Variants in RIMS2 observed in about 807,000 individuals in gnomAD.
RIMS2 encodes regulating synaptic membrane exocytosis protein 2.
Under a neutral mutation model 174.4 loss-of-function variants are expected in RIMS2, and 59 were observed. The observed-to-expected ratio is 0.34, with a 90% confidence interval of 0.27 to 0.42. The LOEUF (loss-of-function observed/expected upper bound fraction) is 0.42, where lower values mean the gene tolerates loss of function less well. Ranked by LOEUF, RIMS2 falls within the 10% of genes least tolerant of loss-of-function variation. The pLI is 1.00. For synonymous variants in RIMS2, 606 were observed against 572.5 expected (o/e 1.06, Z -0.84); for missense variants, 1,620 against 1,666.3 (o/e 0.97, Z 0.48).
At position 103,606,387 on chromosome 8, in the gene RIMS2, C is replaced by G. The variant is rs1335474689; in HGVS notation, c.177-90699C>G. Among the ~76,000 whole-genome samples the G allele has an allele frequency of 5.3e-5, 8 of 151,632 alleles. No individual in the cohort carries two copies. The East Asian group carries it at 1.5e-3, about 29-fold the overall frequency. ...GAGATAGTTTGTTATAATCTCTGTT[C>G]TTTTACATTTGCTGAGGAGAGCTTT... On this transcript the variant is annotated intron_variant, in intron 1 of 23. Transcript: ENST00000504942.
At chr8:103,697,327 A>T in intron 2 of RIMS2, 31 bp downstream of exon 4, 1 of 1,472,428 alleles carries the variant, frequency 6.8e-7, no homozygotes, top group Non-Finnish European at 9.5e-7. Context: ...GTTCTCTTCT[A>T]GTTAAGCTTA....
chr8:103,567,050 T>C (rs57067672), intron 1 of RIMS2, among the ~76,000 whole-genome samples: 7,327 of 152,258 alleles, frequency 0.048, 587 homozygotes, highest in African/African-American at 0.17. Context: ...GATTTGCCTG[T>C]TCTGGAGATT....
intron 17 of RIMS2, among the ~76,000 whole-genome samples, chr8:103,997,191 G>T (rs750479284): frequency 6.6e-6 from 1 of 151,770 alleles, no homozygotes; most frequent in Non-Finnish European, 1.5e-5. Context: ...AAGAAAATGA[G>T]CGAGATACAG....
chr8:103,695,463 A>G (rs941771748), intron 1 of RIMS2, among the ~76,000 whole-genome samples: 1 of 151,648 alleles, frequency 6.6e-6, no homozygotes, highest in Non-Finnish European at 1.5e-5. Flanking sequence ...TTTGAGACAC[A>G]TTTTATTTTT....
At chr8:104,012,581 G>A (rs1308542667) in intron 17 of RIMS2, among the ~76,000 whole-genome samples, 3 of 151,962 alleles carry the variant, frequency 2.0e-5, no homozygotes, top group African/African-American at 7.2e-5. Flanking sequence ...GAATTCTGGA[G>A]CCAAAGCTAG....
downstream of RIMS2, chr8:104,255,473 A>C (rs1381831475): frequency 6.6e-6 from 1 of 152,068 alleles, no homozygotes; most frequent in Non-Finnish European, 1.5e-5. Context: ...CCCTTCTTGC[A>C]ACTCCCAGCT....
At chr8:104,186,004 A>G (rs1438517616) in intron 19 of RIMS2, among the ~76,000 whole-genome samples, 1 of 151,702 alleles carries the variant, frequency 6.6e-6, no homozygotes, top group East Asian at 1.9e-4. Context: ...GGATGATTAG[A>G]TAAAATGTGA....
chr8:103,951,981 G>A (rs1018335654), intron 14 of RIMS2, among the ~76,000 whole-genome samples: 2 of 152,182 alleles, frequency 1.3e-5, no homozygotes, highest in African/African-American at 2.4e-5. Flanking sequence ...TAAACAAAGC[G>A]GCCAGGAAGT....
At chr8:104,061,394 C>T (rs1236822928) in intron 19 of RIMS2, among the ~76,000 whole-genome samples, 1 of 151,926 alleles carries the variant, frequency 6.6e-6, no homozygotes, top group Non-Finnish European at 1.5e-5. Flanking sequence ...GGATTGCAAC[C>T]CCAGATTCAT....
At chr8:103,741,996 C>T (rs1192386001) in intron 2 of RIMS2, among the ~76,000 whole-genome samples, 1 of 151,986 alleles carries the variant, frequency 6.6e-6, no homozygotes, top group African/African-American at 2.4e-5. Flanking sequence ...TACTTACTCA[C>T]CACTTGAAAA....
At chr8:103,890,243 A>G (rs945799326) in intron 4 of RIMS2, among the ~76,000 whole-genome samples, 1 of 151,976 alleles carries the variant, frequency 6.6e-6, no homozygotes, top group Non-Finnish European at 1.5e-5. Context: ...CCTAAACTGA[A>G]TGAAGCTTGT....
chr8:103,881,712 A>G (rs1319111420), intron 3 of RIMS2, among the ~76,000 whole-genome samples: 1 of 151,564 alleles, frequency 6.6e-6, no homozygotes, highest in Non-Finnish European at 1.5e-5. Flanking sequence ...AAACAATTGT[A>G]AGCAAGGAAT....
rs577678698 is a variant in RIMS2, at chr8:103,562,462, A to G, written c.176+61400A>G. ...TTCCAAAACAGTCTCCTCTCCTTTG[A>G]CACCATGTCTCACATCTAGGTCATG... On this transcript the variant is annotated intron_variant, in intron 1 of 23. Coordinates refer to ENST00000504942, the Ensembl canonical transcript of RIMS2. Among the ~76,000 whole-genome samples, 5 of 152,318 alleles carry G rather than the reference A, an allele frequency of 3.3e-5. No individual in the cohort carries two copies. In the South Asian group the frequency reaches 8.3e-4, roughly 25 times the overall value.
intron 3 of RIMS2, among the ~76,000 whole-genome samples, chr8:103,791,046 A>C: frequency 6.6e-6 from 1 of 152,188 alleles, no homozygotes; most frequent in Non-Finnish European, 1.5e-5. Context: ...GCAGGCCAAC[A>C]TTCAAATTCA....
chr8:103,502,926 A>G (rs1821098323), intron 1 of RIMS2, among the ~76,000 whole-genome samples: 1 of 152,016 alleles, frequency 6.6e-6, no homozygotes, highest in Non-Finnish European at 1.5e-5. Flanking sequence ...TTCAAAATGA[A>G]CAGTATGTTA....
intron 1 of RIMS2, among the ~76,000 whole-genome samples, chr8:103,525,292 C>T (rs1304218160): frequency 6.6e-6 from 1 of 152,040 alleles, no homozygotes; most frequent in Non-Finnish European, 1.5e-5. Flanking sequence ...GCAAAAATGG[C>T]CCCTGTTAAC....
chr8:103,747,651 G>A lies in RIMS2; in HGVS notation c.388-18576G>A, dbSNP rs980241955. Among the ~76,000 whole-genome samples, 6 of 151,970 alleles carry A rather than the reference G, an allele frequency of 3.9e-5. No homozygotes were observed. The East Asian group carries it at 1.2e-3, about 29-fold the overall frequency. On this transcript the variant is annotated intron_variant, in intron 2 of 23. Coordinates refer to ENST00000504942, the Ensembl canonical transcript of RIMS2. ...CTTTGTGGATGTATCTTAAAAGTGGGATAAAAGAGATTTTATGATGGAATA... is the reference window on the plus strand; with the variant it reads ...CTTTGTGGATGTATCTTAAAAGTGGAATAAAAGAGATTTTATGATGGAATA...
intron 3 of RIMS2, among the ~76,000 whole-genome samples, chr8:103,827,207 G>A (rs1185495609): frequency 1.3e-5 from 2 of 151,948 alleles, no homozygotes; most frequent in African/African-American, 4.8e-5. Flanking sequence ...ATTTCCGTAA[G>A]TATTTTAAGT....
chr8:104,016,712 CTATAATT>C, intron 19 of RIMS2, among the ~76,000 whole-genome samples: 1 of 152,148 alleles, frequency 6.6e-6, no homozygotes, highest in Admixed American at 6.5e-5. Context: ...AAGTCAGAAA[CTATAATT>C]TATGCACATT....
Sources: allele counts gnomAD v4.1 joint callset (sites outside exome capture counted in the v4.1 genomes callset), GRCh38; gene constraint gnomAD v4.1.1; transcripts MANE v1.5; gene names NCBI Gene and HGNC (gene_info 2026-07-23, HGNC 2026-07-21).